The following CDH18 variants were observed in gnomAD, a reference collection of about 807,000 sequenced individuals.
The protein encoded by CDH18 is cadherin-18.
Under a neutral mutation model 67.9 loss-of-function variants are expected in CDH18, and 31 were observed. The observed-to-expected ratio is 0.46, with a 90% CI of 0.34 to 0.62. The LOEUF (loss-of-function observed/expected upper bound fraction) is 0.62. Among genes scored for constraint, CDH18 ranks in the 20% least tolerant of loss-of-function variants. The pLI, the probability that CDH18 is intolerant of heterozygous loss-of-function variation, is 0.01. For missense variants in CDH18, 890 were observed against 975.5 expected, an observed-to-expected ratio of 0.91 and a Z score of 1.17; for synonymous variants, 362 against 347.2, an observed-to-expected ratio of 1.04 and a Z score of -0.48.
At chr5:20,486,026 T>C (rs182112687) in intron 1 of CDH18, among the ~76,000 whole-genome samples, 8 of 152,304 alleles carry the variant, frequency 5.3e-5, no homozygotes, top group Admixed American at 5.2e-4. Flanking sequence ...GTTATTTGGC[T>C]GGATGATCCC....
intron 12 of CDH18, among the ~76,000 whole-genome samples, chr5:19,477,599 A>C (rs943275936): frequency 2.0e-5 from 3 of 152,162 alleles, no homozygotes; most frequent in African/African-American, 4.8e-5. Context: ...TCCAAAAAAA[A>C]TCCTAAGACC....
At chr5:19,939,883 T>C (rs998476728) in intron 2 of CDH18, among the ~76,000 whole-genome samples, 53 of 152,058 alleles carry the variant, frequency 3.5e-4, no homozygotes, top group African/African-American at 1.2e-3. Context: ...AAATGCTTTA[T>C]ATATTTGTGA....
chr5:19,624,897 G>A, intron 5 of CDH18, among the ~76,000 whole-genome samples: 1 of 152,108 alleles, frequency 6.6e-6, no homozygotes. Flanking sequence ...GAGTGGCCTT[G>A]GATTCCTTTA....
intron 2 of CDH18, among the ~76,000 whole-genome samples, chr5:19,872,785 T>G (rs905225637): frequency 6.6e-6 from 1 of 152,170 alleles, no homozygotes; most frequent in African/African-American, 2.4e-5. Context: ...AAAAGCACGG[T>G]AATTTGTTAC....
chr5:20,415,637 G>A (rs1034337030), intron 1 of CDH18, among the ~76,000 whole-genome samples: 1 of 151,820 alleles, frequency 6.6e-6, no homozygotes, highest in Non-Finnish European at 1.5e-5. Flanking sequence ...GCCAGGCATG[G>A]TGGTGGGCAC....
At position 19,611,305 on chromosome 5, in the gene CDH18, C is replaced by T. The variant is rs138151579; in HGVS notation, c.811+1129G>A. 1.3e-4 allele frequency among the ~76,000 whole-genome samples: 19 copies of T among 151,266 alleles called. No homozygotes were observed. In the East Asian group the frequency reaches 2.5e-3, roughly 20 times the overall value. On this transcript the variant is annotated intron_variant, in intron 6 of 12. Transcript: ENST00000382275. ...TGCAAGAGGGAAAATTAGTATAACA[C>T]GAACAAGCATGCAAAAGTGCTGTGC...
chr5:20,391,561 T>G (rs373325853), intron 1 of CDH18, among the ~76,000 whole-genome samples: 1 of 152,134 alleles, frequency 6.6e-6, no homozygotes, highest in Non-Finnish European at 1.5e-5. Flanking sequence ...TTCTATTTAC[T>G]AAGTATAATC....
At chr5:19,961,275 T>G (rs1796876763) in intron 2 of CDH18, among the ~76,000 whole-genome samples, 1 of 151,436 alleles carries the variant, frequency 6.6e-6, no homozygotes, top group African/African-American at 2.4e-5. Context: ...CACGCTAATT[T>G]GTTTTGTATT....
At chr5:19,562,346 ATCTC>A (rs1032759221) in intron 8 of CDH18, among the ~76,000 whole-genome samples, 1 of 152,132 alleles carries the variant, frequency 6.6e-6, no homozygotes, top group Non-Finnish European at 1.5e-5. Context: ...TTATTTTAAA[ATCTC>A]TCTCTTTTTT....
At chr5:19,514,353 A>G (rs183698278) in intron 10 of CDH18, among the ~76,000 whole-genome samples, 2 of 152,334 alleles carry the variant, frequency 1.3e-5, no homozygotes, top group Non-Finnish European at 2.9e-5. Context: ...TCCTTTGGGT[A>G]TATACCCAGT....
At position 19,960,586 on chromosome 5, in the gene CDH18, T is replaced by TATATATATATATATATACACACAC. The variant is rs1357426735; in HGVS notation, c.-257+20473_-257+20474insGTGTGTGTATATATATATATATAT. Reference sequence around the variant, plus strand: ...ATGTGTGTGTGTGTGTGTGTGTGTGTGTGTATATATATATATACACACACG... The same window carrying TATATATATATATATATACACACAC: ...ATGTGTGTGTGTGTGTGTGTGTGTGTATATATATATATATATACACACACGTGTATATATATATATACACACACG... On this transcript the variant is annotated intron_variant, in intron 2 of 12. Coordinates refer to ENST00000382275, the MANE Select transcript of CDH18 (RefSeq NM_004934.5). Among the ~76,000 whole-genome samples, 4 of 132,740 alleles carry TATATATATATATATATACACACAC rather than the reference T, an allele frequency of 3.0e-5. 1 individual carries two copies. The highest frequency in any genetic ancestry group is 1.4e-4 in the African/African-American group (4 of 29,018). 87.1% of individuals were successfully genotyped at this position (132,740 alleles called of 152,430 possible).
intron 1 of CDH18, among the ~76,000 whole-genome samples, chr5:20,566,315 G>A (rs1165589120): frequency 6.6e-6 from 1 of 150,962 alleles, no homozygotes; most frequent in African/African-American, 2.4e-5. Context: ...AAGCCACTCA[G>A]ATGGCCTTAA....
chr5:20,116,357 CA>C (rs1043077719), intron 2 of CDH18, among the ~76,000 whole-genome samples: 10 of 150,016 alleles, frequency 6.7e-5, no homozygotes, highest in Admixed American at 2.0e-4. Flanking sequence ...CTAAAAAATA[CA>C]AAAAAAAATG....
At chr5:20,287,265 C>T (rs571148243) in intron 1 of CDH18, among the ~76,000 whole-genome samples, 6 of 151,614 alleles carry the variant, frequency 4.0e-5, no homozygotes, top group Non-Finnish European at 8.9e-5. Flanking sequence ...TGGAATTGAT[C>T]CAGAATCAAT....
At chr5:19,829,917 C>T (rs189592635) in intron 3 of CDH18, among the ~76,000 whole-genome samples, 1 of 151,962 alleles carries the variant, frequency 6.6e-6, no homozygotes, top group African/African-American at 2.4e-5. Flanking sequence ...TTGACAAAGT[C>T]GACAAAAAAC....
chr5:20,041,208 T>C (rs965728919), intron 2 of CDH18, among the ~76,000 whole-genome samples: 1 of 152,224 alleles, frequency 6.6e-6, no homozygotes, highest in Non-Finnish European at 1.5e-5. Flanking sequence ...GCATGTATAG[T>C]AGAATCATAA....
Position 19,877,217 on chromosome 5 carries a change from T to TA in CDH18, c.-256-37976dup, listed in dbSNP as rs542497725. 6.4e-3 allele frequency among the ~76,000 whole-genome samples: 945 copies of TA among 148,122 alleles called. 4 individuals are homozygous for TA. Among genetic ancestry groups the TA allele is most frequent in the African/African-American group, 0.015 (615 of 40,440 alleles). On this transcript the variant is annotated intron_variant, in intron 2 of 12. Coordinates refer to ENST00000382275, the MANE Select transcript of CDH18 (RefSeq NM_004934.5). ...ATTTTGGCTAAAAACTTTCAAACTGTAAAAAAAAAACCTATATTAAATGTC... is the reference window on the plus strand; with the variant it reads ...ATTTTGGCTAAAAACTTTCAAACTGTAAAAAAAAAAACCTATATTAAATGTC...
At chr5:20,519,485 G>A (rs1242809872) in intron 1 of CDH18, among the ~76,000 whole-genome samples, 1 of 152,128 alleles carries the variant, frequency 6.6e-6, no homozygotes, top group Non-Finnish European at 1.5e-5. Context: ...TGGGAGGAGA[G>A]GGGAGGGATA....
At chr5:20,035,840 C>T (rs1000703124) in intron 2 of CDH18, among the ~76,000 whole-genome samples, 1 of 151,934 alleles carries the variant, frequency 6.6e-6, no homozygotes, top group Non-Finnish European at 1.5e-5. Flanking sequence ...GTGTAGTGCC[C>T]TTTCTAATTT....
Sources: gnomAD v4.1 joint callset for allele counts (sites outside exome capture counted in the v4.1 genomes callset) on GRCh38, gnomAD v4.1.1 for gene constraint, MANE v1.5 for transcripts, NCBI Gene and HGNC (gene_info 2026-07-23, HGNC 2026-07-21) for gene names.